KCNH1: variants seen among roughly 807,000 people sequenced by gnomAD.
KCNH1 encodes potassium voltage-gated channel subfamily H member 1.
In KCNH1, 27 loss-of-function variants were observed where a neutral mutation model predicts 69.2. That is an observed-to-expected ratio of 0.39 (90% CI 0.29 to 0.54). KCNH1 has a LOEUF of 0.54. Among genes scored for constraint, KCNH1 ranks in the 20% least tolerant of loss-of-function variants. The pLI, the probability that KCNH1 is intolerant of heterozygous loss-of-function variation, is 0.68. For missense variants in KCNH1, 798 were observed against 1,261.6 expected (o/e 0.63, Z 5.57); for synonymous variants, 456 against 487.7 (o/e 0.93, Z 0.86).
chr1:210,969,894 T>C (rs1484935767), intron 6 of KCNH1, among the ~76,000 whole-genome samples: 1 of 152,096 alleles, frequency 6.6e-6, no homozygotes, highest in African/African-American at 2.4e-5. Flanking sequence ...CACAACTTTT[T>C]TTCATTTTGT....
intron 10 of KCNH1, among the ~76,000 whole-genome samples, chr1:210,696,550 A>G (rs1193806261): frequency 1.3e-5 from 2 of 152,172 alleles, no homozygotes; most frequent in African/African-American, 2.4e-5. Flanking sequence ...ACTGAAACCT[A>G]TAGTGGGAGC....
At chr1:210,831,021 C>G (rs1685150477) in intron 7 of KCNH1, among the ~76,000 whole-genome samples, 1 of 152,176 alleles carries the variant, frequency 6.6e-6, no homozygotes, top group Admixed American at 6.6e-5. Context: ...TCATTAAAAA[C>G]TGCTACAGAG....
chr1:210,854,587 A>AG (rs1226920592), intron 7 of KCNH1, among the ~76,000 whole-genome samples: 1 of 152,218 alleles, frequency 6.6e-6, no homozygotes, highest in Non-Finnish European at 1.5e-5. Flanking sequence ...GGCAAGTGGT[A>AG]GCTGTCCACA....
chr1:210,912,395 CT>C (rs5780615), intron 7 of KCNH1, among the ~76,000 whole-genome samples: 8,792 of 151,766 alleles, frequency 0.058, 407 homozygotes, highest in East Asian at 0.27. Flanking sequence ...GTCAGGCCAA[CT>C]TTTTTTTTCT....
chr1:211,017,052 G>T (rs1424340233), intron 6 of KCNH1, among the ~76,000 whole-genome samples: 1 of 151,854 alleles, frequency 6.6e-6, no homozygotes, highest in Non-Finnish European at 1.5e-5. Context: ...CTACCCCAGA[G>T]AATTAGTCTT....
At chr1:210,998,086 A>G (rs12096867) in intron 6 of KCNH1, among the ~76,000 whole-genome samples, 59,612 of 152,072 alleles carry the variant, frequency 0.39, 12,152 homozygotes, top group Non-Finnish European at 0.44. Flanking sequence ...TGTCAAGGCT[A>G]GGAAGAAACT....
intron 10 of KCNH1, among the ~76,000 whole-genome samples, chr1:210,741,990 G>A (rs113034625): frequency 4.6e-4 from 70 of 152,316 alleles, no homozygotes; most frequent in African/African-American, 1.6e-3. Context: ...ATTAGAGATA[G>A]TGCTCTCATA....
At chr1:210,841,292 A>G (rs1392922331) in intron 7 of KCNH1, among the ~76,000 whole-genome samples, 1 of 152,136 alleles carries the variant, frequency 6.6e-6, no homozygotes, top group South Asian at 2.1e-4. Flanking sequence ...TAATACCATA[A>G]AAGGCCAGCC....
chr1:211,017,772 A>G (rs753903060), intron 6 of KCNH1, among the ~76,000 whole-genome samples: 5 of 152,210 alleles, frequency 3.3e-5, no homozygotes, highest in Admixed American at 6.5e-5. Flanking sequence ...TCTACACAGA[A>G]TTTAGCTTCC....
Position 211,134,073 on chromosome 1 carries a change from A to C in KCNH1, c.-128T>G. On this transcript the variant is annotated 5_prime_UTR_variant, in exon 1 of 11. Coordinates refer to ENST00000271751, the MANE Select transcript of KCNH1 (RefSeq NM_172362.3). This position sits in a 1 kb window ranked among gnomAD's most constrained non-coding sequence, Gnocchi z 5.7. ...ATGCGCCCGGCGGGGATCCGCAGGC[A>C]GGGCTGGCGGCTCCCTCTGGCTGCT... The C allele has an allele frequency of 1.3e-6, 1 of 750,706 alleles. No homozygotes were observed. Among genetic ancestry groups the C allele is most frequent in the Non-Finnish European group, 2.2e-6 (1 of 460,910 alleles). The allele number at this position is 750,706 out of a possible 1,614,324, so 46.5% of individuals were successfully genotyped here.
intron 5 of KCNH1, among the ~76,000 whole-genome samples, chr1:211,064,627 A>T (rs150740333): frequency 1.3e-5 from 2 of 152,108 alleles, no homozygotes; most frequent in South Asian, 4.1e-4. Flanking sequence ...TTTTAAATGT[A>T]TAAGTATATA....
At chr1:210,861,297 A>C in intron 7 of KCNH1, 1 of 873,384 alleles carries the variant, frequency 1.1e-6, no homozygotes, top group Non-Finnish European at 2.0e-6. Flanking sequence ...TGATTAATAG[A>C]ATTTAATGTC....
intron 6 of KCNH1, among the ~76,000 whole-genome samples, chr1:210,956,083 A>G: frequency 6.6e-6 from 1 of 152,124 alleles, no homozygotes; most frequent in Non-Finnish European, 1.5e-5. Context: ...TCCCATCAGT[A>G]CCTAGTTTAT....
At chr1:211,110,698 G>C (rs924737425) in intron 1 of KCNH1, among the ~76,000 whole-genome samples, 3 of 152,100 alleles carry the variant, frequency 2.0e-5, no homozygotes, top group African/African-American at 4.8e-5. Context: ...GCAAATAAGA[G>C]ATAGTGTGTA....
At chr1:210,929,372 C>T (rs1429216253) in intron 6 of KCNH1, among the ~76,000 whole-genome samples, 2 of 152,122 alleles carry the variant, frequency 1.3e-5, no homozygotes, top group Admixed American at 1.3e-4. Context: ...GATGGTTTAA[C>T]ATACACAAGT....
chr1:210,692,722 G>A (rs531982785), intron 10 of KCNH1, among the ~76,000 whole-genome samples: 4 of 152,174 alleles, frequency 2.6e-5, no homozygotes, highest in Non-Finnish European at 1.5e-5. Context: ...AGATACTGGA[G>A]TTACGTAGCT....
intron 7 of KCNH1, among the ~76,000 whole-genome samples, chr1:210,826,678 T>G (rs4098807): frequency 0.55 from 83,752 of 152,158 alleles, 23,808 homozygotes; most frequent in East Asian, 0.83. Flanking sequence ...AAGAAGTATT[T>G]TTCTTCTCTC....
At chr1:210,752,744 C>T (rs1683308406) in intron 10 of KCNH1, among the ~76,000 whole-genome samples, 1 of 152,096 alleles carries the variant, frequency 6.6e-6, no homozygotes, top group Admixed American at 6.5e-5. Context: ...ATTATGCCTC[C>T]TCACCAAGCC....
At chr1:210,864,145 A>G (rs1346512600) in intron 7 of KCNH1, among the ~76,000 whole-genome samples, 1 of 152,174 alleles carries the variant, frequency 6.6e-6, no homozygotes, top group African/African-American at 2.4e-5. Context: ...CAGCTCTCAC[A>G]TGCCTATGGC....
Sources: gnomAD v4.1 joint callset for allele counts (sites outside exome capture counted in the v4.1 genomes callset) on GRCh38, gnomAD v4.1.1 for gene constraint, Gnocchi (gnomAD v3.1) non-coding constraint, MANE v1.5 for transcripts, NCBI Gene and HGNC (gene_info 2026-07-23, HGNC 2026-07-21) for gene names.